Variants in PTPRG observed in about 807,000 individuals in gnomAD.
The protein encoded by PTPRG is protein tyrosine phosphatase receptor type G.
Under a neutral mutation model 165.3 loss-of-function variants are expected in PTPRG, and 102 were observed. That is an observed-to-expected ratio of 0.62 (90% CI 0.53 to 0.73). The LOEUF (loss-of-function observed/expected upper bound fraction) is 0.73. PTPRG is among the 30% of genes least tolerant of loss of function. PTPRG has a pLI of 0.00. For missense variants in PTPRG, 1,866 were observed against 1,861.4 expected (o/e 1.00, Z -0.05); for synonymous variants, 675 against 669.5 (o/e 1.01, Z -0.13).
At chr3:61,715,589 G>T (rs1414455044) in intron 1 of PTPRG, among the ~76,000 whole-genome samples, 3 of 152,162 alleles carry the variant, frequency 2.0e-5, no homozygotes, top group Non-Finnish European at 4.4e-5. Context: ...ACTGGGTTGG[G>T]TGGAGGAAGG....
intron 2 of PTPRG, among the ~76,000 whole-genome samples, chr3:61,901,655 G>A (rs987355073): frequency 2.0e-5 from 3 of 152,162 alleles, no homozygotes; most frequent in Admixed American, 6.5e-5. Context: ...AGCGTTAATA[G>A]CATCCCAGAT....
At chr3:62,070,054 A>G (rs1366478888) in intron 4 of PTPRG, among the ~76,000 whole-genome samples, 4 of 152,200 alleles carry the variant, frequency 2.6e-5, no homozygotes, top group Non-Finnish European at 4.4e-5. Flanking sequence ...CAAAATACCC[A>G]GAGTGTTTGT....
chr3:61,586,663 T>A (rs1437912328), intron 1 of PTPRG, among the ~76,000 whole-genome samples: 2 of 152,190 alleles, frequency 1.3e-5, no homozygotes, highest in African/African-American at 2.4e-5. Context: ...ATTTGCAAAC[T>A]GGAAACATAG....
intron 28 of PTPRG, among the ~76,000 whole-genome samples, chr3:62,287,084 A>G (rs886258383): frequency 6.6e-6 from 1 of 152,126 alleles, no homozygotes; most frequent in African/African-American, 2.4e-5. Flanking sequence ...AGGTGAGAAT[A>G]ATCTCACATG....
At chr3:62,118,473 T>C (rs933820412) in intron 5 of PTPRG, 1 of 152,204 alleles carries the variant, frequency 6.6e-6, no homozygotes, top group African/African-American at 2.4e-5. Context: ...TAAGAGCAAA[T>C]TCTACACTTG....
chr3:61,829,018 A>G (rs1575699349), intron 2 of PTPRG, among the ~76,000 whole-genome samples: 1 of 152,074 alleles, frequency 6.6e-6, no homozygotes, highest in African/African-American at 2.4e-5. Context: ...TGTTATATAG[A>G]TATATATCCT....
intron 2 of PTPRG, among the ~76,000 whole-genome samples, chr3:61,924,554 C>G (rs761428480): frequency 6.6e-6 from 1 of 152,228 alleles, no homozygotes; most frequent in East Asian, 1.9e-4. Flanking sequence ...CACGTGCTGT[C>G]ACTGTGCTGA....
Position 62,254,915 on chromosome 3 carries a change from A to T in PTPRG, c.2468-209A>T, listed in dbSNP as rs1195358750. Among the ~76,000 whole-genome samples the T allele has an allele frequency of 6.6e-6, 1 of 152,170 alleles. No homozygotes were observed. Among genetic ancestry groups the T allele is most frequent in the Admixed American group, 6.6e-5 (1 of 15,262 alleles). ...GTACCTTTTTTTAAAAACCATATTT[A>T]ACCTGGCTTGTAGGCATTAAAGTCA... On this transcript the variant is annotated intron_variant, in intron 15 of 29. Coordinates refer to ENST00000474889, the MANE Select transcript of PTPRG (RefSeq NM_002841.4). The surrounding 1 kb of genome is among the most constrained non-coding windows in gnomAD (Gnocchi z 4.6).
chr3:61,785,336 C>A (rs147326126), intron 2 of PTPRG, among the ~76,000 whole-genome samples: 2 of 151,960 alleles, frequency 1.3e-5, no homozygotes, highest in Non-Finnish European at 2.9e-5. Flanking sequence ...AAAATTAAAC[C>A]GAAAACTGTT....
intron 2 of PTPRG, among the ~76,000 whole-genome samples, chr3:61,834,075 G>A (rs1452332305): frequency 1.3e-5 from 2 of 152,126 alleles, no homozygotes; most frequent in Admixed American, 6.5e-5. Flanking sequence ...TAAACATAAC[G>A]GATTGCTTAT....
At chr3:61,752,690 G>A (rs953768048) in intron 2 of PTPRG, among the ~76,000 whole-genome samples, 2 of 145,478 alleles carry the variant, frequency 1.4e-5, no homozygotes, top group African/African-American at 5.0e-5. Flanking sequence ...GGAGGCTGAG[G>A]GAAGAGAATT....
At chr3:62,062,669 A>T (rs1700859148) in intron 4 of PTPRG, among the ~76,000 whole-genome samples, 1 of 91,312 alleles carries the variant, frequency 1.1e-5, no homozygotes, top group Non-Finnish European at 2.7e-5. Flanking sequence ...CATAGATTTT[A>T]TGGCATTGTT....
At chr3:61,972,697 G>A (rs1223126829) in intron 2 of PTPRG, among the ~76,000 whole-genome samples, 3 of 148,630 alleles carry the variant, frequency 2.0e-5, no homozygotes, top group South Asian at 2.2e-4. Context: ...CTGTTGCCCA[G>A]GGTGGGGTAC....
chr3:61,936,820 A>G (rs2039495212), intron 2 of PTPRG, among the ~76,000 whole-genome samples: 1 of 152,222 alleles, frequency 6.6e-6, no homozygotes, highest in Non-Finnish European at 1.5e-5. Context: ...TGGAGGAGGA[A>G]TACCTTCTGT....
chr3:61,925,701 C>T (rs1277011885), intron 2 of PTPRG, among the ~76,000 whole-genome samples: 3 of 151,912 alleles, frequency 2.0e-5, no homozygotes, highest in Non-Finnish European at 2.9e-5. Flanking sequence ...CAAGACTGTG[C>T]CACTGCCTTC....
At chr3:62,007,887 G>T (rs1022135733) in intron 4 of PTPRG, among the ~76,000 whole-genome samples, 15 of 152,190 alleles carry the variant, frequency 9.9e-5, no homozygotes, top group African/African-American at 3.4e-4. Context: ...ATTTTGGTAG[G>T]CAAGATAATG....
At chr3:61,673,177 A>G (rs1703095222) in intron 1 of PTPRG, among the ~76,000 whole-genome samples, 1 of 152,170 alleles carries the variant, frequency 6.6e-6, no homozygotes, top group African/African-American at 2.4e-5. Flanking sequence ...AAAATGGAAG[A>G]AAAAAGATAA....
At chr3:61,797,598 C>A (rs1024833694) in intron 2 of PTPRG, among the ~76,000 whole-genome samples, 5 of 149,874 alleles carry the variant, frequency 3.3e-5, no homozygotes, top group African/African-American at 4.9e-5. Context: ...CCCACCCCCC[C>A]ACCTCCCGCC....
At chr3:61,877,404 AGGTTACC>A (rs2037771594) in intron 2 of PTPRG, among the ~76,000 whole-genome samples, 1 of 152,188 alleles carries the variant, frequency 6.6e-6, no homozygotes, top group South Asian at 2.1e-4. Context: ...GCAAATGCTT[AGGTTACC>A]GGCAGGGGGT....
Sources: allele counts gnomAD v4.1 joint callset (sites outside exome capture counted in the v4.1 genomes callset), GRCh38; gene constraint gnomAD v4.1.1; non-coding constraint Gnocchi (gnomAD v3.1); transcripts MANE v1.5; gene names NCBI Gene and HGNC (gene_info 2026-07-23, HGNC 2026-07-21).